DPP6: variants seen among roughly 807,000 people sequenced by gnomAD.
DPP6 encodes A-type potassium channel modulatory protein DPP6.
DPP6 carries 69 observed loss-of-function variants against 122.6 expected under a neutral mutation model. The ratio of observed to expected loss-of-function variants is 0.56; its 90% CI spans 0.46 to 0.69. The LOEUF (loss-of-function observed/expected upper bound fraction) is 0.69. Among genes scored for constraint, DPP6 ranks in the 30% least tolerant of loss-of-function variants. DPP6 has a pLI of 0.00. For missense variants in DPP6, 928 were observed against 1,116.9 expected, an observed-to-expected ratio of 0.83 and a Z score of 2.41; for synonymous variants, 418 against 433.1, an observed-to-expected ratio of 0.97 and a Z score of 0.43.
chr7:154,248,852 G>T (rs1310859912), intron 1 of DPP6, among the ~76,000 whole-genome samples: 1 of 151,820 alleles, frequency 6.6e-6, no homozygotes, highest in East Asian at 1.9e-4. Flanking sequence ...AGCAACAGAG[G>T]GAGACTCCGT....
upstream of DPP6, among the ~76,000 whole-genome samples, chr7:153,886,472 G>C (rs368055095): frequency 6.6e-6 from 1 of 152,154 alleles, no homozygotes; most frequent in East Asian, 1.9e-4. Flanking sequence ...GGCTGCGGGA[G>C]GTCTTCGGGG....
At chr7:154,529,355 A>C (rs2130089516) in intron 3 of DPP6, among the ~76,000 whole-genome samples, 1 of 152,336 alleles carries the variant, frequency 6.6e-6, no homozygotes, top group Admixed American at 6.5e-5. Flanking sequence ...CACTAACAAC[A>C]AAGCTGCTAC....
At position 154,687,615 on chromosome 7, in the gene DPP6, TA is replaced by T. The variant is rs546684215; in HGVS notation, c.762+18175del. Among the ~76,000 whole-genome samples the T allele has an allele frequency of 9.8e-4, 150 of 152,330 alleles. 1 individual carries two copies. The highest frequency in any genetic ancestry group is 3.2e-3 in the African/African-American group (133 of 41,580). On this transcript the variant is annotated intron_variant, in intron 7 of 25. Coordinates refer to ENST00000377770, the MANE Select transcript of DPP6 (RefSeq NM_130797.4). ...AGATTCAATTATTTGTCAATTACAT[TA>T]TTTCCAAGATCTTCTCTCATTTTAC...
intron 2 of DPP6, among the ~76,000 whole-genome samples, chr7:154,450,581 G>A (rs532237246): frequency 3.9e-5 from 6 of 152,274 alleles, no homozygotes; most frequent in South Asian, 2.1e-4. Flanking sequence ...GAGAGAGAGC[G>A]TTGCAGTCTC....
chr7:154,067,934 G>T (rs112380779), intron 1 of DPP6, among the ~76,000 whole-genome samples: 6 of 132,724 alleles, frequency 4.5e-5, no homozygotes, highest in East Asian at 2.0e-4. Context: ...TTGTTTGTTT[G>T]TTTTTTTGAT....
At chr7:154,502,479 A>G (rs1417745822) in intron 3 of DPP6, among the ~76,000 whole-genome samples, 1 of 152,046 alleles carries the variant, frequency 6.6e-6, no homozygotes, top group Non-Finnish European at 1.5e-5. Flanking sequence ...GCGCTGTTCT[A>G]GTGATAGCAA....
intron 1 of DPP6, among the ~76,000 whole-genome samples, chr7:154,286,785 C>T (rs1249318312): frequency 6.6e-6 from 1 of 151,152 alleles, no homozygotes; most frequent in Admixed American, 6.6e-5. Context: ...CAGCACCAGT[C>T]CCATGCCTAT....
the DPP6 span, among the ~76,000 whole-genome samples, chr7:153,802,017 T>C: frequency 6.6e-6 from 1 of 152,138 alleles, no homozygotes; most frequent in African/African-American, 2.4e-5. Context: ...AAAGTCAAAA[T>C]GAAAAGTGTA....
At chr7:153,983,383 G>T (rs1198041324) in intron 1 of DPP6, among the ~76,000 whole-genome samples, 1 of 152,222 alleles carries the variant, frequency 6.6e-6, no homozygotes, top group East Asian at 1.9e-4. Context: ...CAGTAATGGC[G>T]ATCACCCCTC....
chr7:154,360,853 C>A (rs1811663618), intron 1 of DPP6, among the ~76,000 whole-genome samples: 1 of 152,234 alleles, frequency 6.6e-6, no homozygotes, highest in Non-Finnish European at 1.5e-5. Flanking sequence ...GCCCTGCCTT[C>A]TGCTGTGCAT....
At chr7:154,407,308 TC>T (rs1816199367) in intron 1 of DPP6, among the ~76,000 whole-genome samples, 1 of 152,230 alleles carries the variant, frequency 6.6e-6, no homozygotes, top group African/African-American at 2.4e-5. Context: ...ATTTGGTTCA[TC>T]ATGGTTCCCT....
At chr7:153,925,298 C>T (rs1362812687) in intron 1 of DPP6, among the ~76,000 whole-genome samples, 8 of 151,194 alleles carry the variant, frequency 5.3e-5, no homozygotes, top group South Asian at 2.1e-4. Flanking sequence ...GAGATCATCC[C>T]GCATGGTGGA....
chr7:154,438,639 A>G (rs1207148171), intron 1 of DPP6, among the ~76,000 whole-genome samples: 1 of 152,068 alleles, frequency 6.6e-6, no homozygotes, highest in African/African-American at 2.4e-5. Flanking sequence ...TGAGCTTCTT[A>G]CCTTTTTGCC....
chr7:154,845,841 G>GT (rs1195257342), intron 16 of DPP6, among the ~76,000 whole-genome samples: 1 of 152,112 alleles, frequency 6.6e-6, no homozygotes, highest in Non-Finnish European at 1.5e-5. Context: ...AGTGTAGACC[G>GT]TATTATTGTT....
chr7:154,669,766 G>A (rs1324740840), intron 7 of DPP6, among the ~76,000 whole-genome samples: 1 of 152,092 alleles, frequency 6.6e-6, no homozygotes. Flanking sequence ...TTCATTAAAA[G>A]AACTGCAGAT....
Position 154,807,119 on chromosome 7 carries a change from T to G in DPP6, c.1666+7T>G, listed in dbSNP as rs1932957200. The stretch of plus-strand genomic sequence containing the variant: ...TTCCTGCTCAAGTGCGAAGGTCAGC[T>G]CCTGCCACCCCGTCAGGGCAAAGAG... On this transcript the variant is annotated splice_region_variant and intron_variant, in intron 16 of 25. Transcript: ENST00000377770. 1.2e-6 allele frequency: 2 copies of G among 1,611,450 alleles called. No homozygotes were observed. Among genetic ancestry groups the G allele is most frequent in the Non-Finnish European group, 1.7e-6 (2 of 1,179,414 alleles).
chr7:154,312,757 A>G (rs1398914510), intron 1 of DPP6, among the ~76,000 whole-genome samples: 2 of 152,176 alleles, frequency 1.3e-5, no homozygotes, highest in Non-Finnish European at 2.9e-5. Flanking sequence ...TTTCTCTTGG[A>G]GACAATGGTA....
chr7:154,037,017 C>T (rs1335286453), intron 1 of DPP6, among the ~76,000 whole-genome samples: 2 of 152,156 alleles, frequency 1.3e-5, no homozygotes, highest in African/African-American at 4.8e-5. Flanking sequence ...TTCACAACTA[C>T]AATACTGTTT....
At chr7:154,683,210 G>A (rs1281855408) in intron 7 of DPP6, among the ~76,000 whole-genome samples, 1 of 152,252 alleles carries the variant, frequency 6.6e-6, no homozygotes. Flanking sequence ...CACTATGCAT[G>A]TTGGTGAGCT....
Sources: allele counts gnomAD v4.1 joint callset (sites outside exome capture counted in the v4.1 genomes callset), GRCh38; gene constraint gnomAD v4.1.1; transcripts MANE v1.5; gene names NCBI Gene and HGNC (gene_info 2026-07-23, HGNC 2026-07-21).